Variants in ROBO2 observed in about 807,000 individuals in gnomAD.
The protein encoded by ROBO2 is roundabout guidance receptor 2.
In ROBO2, 53 loss-of-function variants were observed where a neutral mutation model predicts 160.8. The ratio of observed to expected loss-of-function variants is 0.33; its 90% CI spans 0.26 to 0.41. ROBO2 has a LOEUF of 0.41. Ranked by LOEUF, ROBO2 falls within the 10% of genes least tolerant of loss-of-function variation. The pLI, the probability that ROBO2 is intolerant of heterozygous loss-of-function variation, is 1.00. For synonymous variants in ROBO2, 664 were observed against 611.7 expected (o/e 1.09, Z -1.26); for missense variants, 1,577 against 1,722.4 (o/e 0.92, Z 1.49).
At chr3:76,169,210 A>C (rs2072945776) in intron 2 of ROBO2, among the ~76,000 whole-genome samples, 1 of 152,164 alleles carries the variant, frequency 6.6e-6, no homozygotes, top group Non-Finnish European at 1.5e-5. Flanking sequence ...TTGATGAGAA[A>C]ACTGTGGCTC....
intron 5 of ROBO2, among the ~76,000 whole-genome samples, chr3:77,494,925 C>T (rs1176852074): frequency 6.6e-6 from 1 of 152,144 alleles, no homozygotes; most frequent in Non-Finnish European, 1.5e-5. Flanking sequence ...TGGGGAAAGT[C>T]ATCATTGTGT....
At chr3:76,672,426 T>C (rs1449660353) in intron 2 of ROBO2, among the ~76,000 whole-genome samples, 1 of 152,128 alleles carries the variant, frequency 6.6e-6, no homozygotes, top group Non-Finnish European at 1.5e-5. Context: ...CAAAGTCCTA[T>C]TTACTTTGGA....
intron 2 of ROBO2, among the ~76,000 whole-genome samples, chr3:76,417,716 A>G (rs942614329): frequency 4.6e-5 from 7 of 152,168 alleles, no homozygotes; most frequent in Admixed American, 1.3e-4. Context: ...ATCAAAATTC[A>G]TATTGAACCA....
intron 2 of ROBO2, among the ~76,000 whole-genome samples, chr3:77,147,761 C>T (rs2077229480): frequency 6.6e-6 from 1 of 152,154 alleles, no homozygotes; most frequent in African/African-American, 2.4e-5. Context: ...AAAAGTTACA[C>T]AGGCAGATAG....
chr3:77,438,976 T>C (rs2079619150), intron 2 of ROBO2, among the ~76,000 whole-genome samples: 1 of 152,062 alleles, frequency 6.6e-6, no homozygotes, highest in Non-Finnish European at 1.5e-5. Flanking sequence ...TCAAAGTCAT[T>C]TAAACTAAAA....
In ROBO2 at chr3:76,965,781, T is replaced by TTG. The variant is rs1360013353; in HGVS notation, c.110-132229_110-132228dup. ...GTTGCTATACCATTATTTATTGTGT[T>TTG]TGTGTATATATATATATATATATAT... On this transcript the variant is annotated intron_variant, in intron 2 of 26. Transcript: ENST00000487694. Among the ~76,000 whole-genome samples, 36 of 84,086 alleles carry TTG rather than the reference T, an allele frequency of 4.3e-4. 1 individual carries two copies. The highest frequency in any genetic ancestry group is 1.3e-3 in the African/African-American group (28 of 21,286). The allele number at this position is 84,086 out of a possible 152,430, so 55.2% of individuals were successfully genotyped here. A position where few individuals can be genotyped will look rare whatever the true frequency, so the allele number is the denominator to read the frequency against.
At chr3:76,398,728 CTAT>C (rs1352050197) in intron 2 of ROBO2, among the ~76,000 whole-genome samples, 1 of 151,416 alleles carries the variant, frequency 6.6e-6, no homozygotes, top group East Asian at 1.9e-4. Flanking sequence ...ACTAAATATA[CTAT>C]TAAGTTTAGT....
chr3:77,274,132 A>G (rs73106031), intron 2 of ROBO2, among the ~76,000 whole-genome samples: 9,399 of 152,216 alleles, frequency 0.062, 637 homozygotes, highest in African/African-American at 0.17. Context: ...TGAAGTATAA[A>G]TTTTAAACCA....
intron 2 of ROBO2, among the ~76,000 whole-genome samples, chr3:77,397,729 A>C (rs1293946567): frequency 2.0e-5 from 3 of 152,228 alleles, no homozygotes; most frequent in South Asian, 2.1e-4. Context: ...TTGGTGTATA[A>C]ATTGCATTTA....
chr3:76,974,246 A>C (rs541215891), intron 2 of ROBO2, among the ~76,000 whole-genome samples: 1 of 152,288 alleles, frequency 6.6e-6, no homozygotes, highest in African/African-American at 2.4e-5. Context: ...CTTGATACAT[A>C]TTACATTTGC....
Position 76,694,820 on chromosome 3 carries a change from C to G in ROBO2, c.110-403194C>G, listed in dbSNP as rs564825840. 2.0e-5 allele frequency among the ~76,000 whole-genome samples: 3 copies of G among 152,112 alleles called. No homozygotes were observed. In the East Asian group the frequency reaches 5.8e-4, roughly 29 times the overall value. The stretch of plus-strand genomic sequence containing the variant: ...TCCTTTCATAATTAGTATTATGATA[C>G]CTTAGTTTTATCTTCTTTTATTAAA... On this transcript the variant is annotated intron_variant, in intron 2 of 26. Transcript: ENST00000487694.
chr3:76,455,772 A>T (rs916606629), intron 2 of ROBO2, among the ~76,000 whole-genome samples: 2 of 152,192 alleles, frequency 1.3e-5, no homozygotes, highest in African/African-American at 4.8e-5. Flanking sequence ...GACAGGAATG[A>T]TCTAATTCTA....
intron 2 of ROBO2, among the ~76,000 whole-genome samples, chr3:76,023,471 G>T (rs2066636607): frequency 1.3e-5 from 2 of 151,570 alleles, no homozygotes; most frequent in Non-Finnish European, 3.0e-5. Flanking sequence ...TTTTAATATT[G>T]TTGTGTCTCA....
chr3:76,624,216 G>A (rs1327311885), intron 2 of ROBO2, among the ~76,000 whole-genome samples: 1 of 152,066 alleles, frequency 6.6e-6, no homozygotes, highest in East Asian at 1.9e-4. Flanking sequence ...AAGAATTTAG[G>A]ATATAAGGAT....
rs2067547451 is a variant in ROBO2, at chr3:76,048,895, G to C, written c.109+111293G>C. ...TAAATGTTAACAAGATTAATCTCAG[G>C]AACACAATGTTGAATGAAAATAGCA... On this transcript the variant is annotated intron_variant, in intron 2 of 26. Coordinates refer to the ROBO2 transcript ENST00000487694. Among the ~76,000 whole-genome samples the C allele has an allele frequency of 1.3e-5, 2 of 152,104 alleles. 1 individual carries two copies. Among genetic ancestry groups the C allele is most frequent in the South Asian group, 4.2e-4 (2 of 4,818 alleles).
At chr3:76,581,212 A>G (rs1445549905) in intron 2 of ROBO2, among the ~76,000 whole-genome samples, 2 of 152,190 alleles carry the variant, frequency 1.3e-5, no homozygotes, top group East Asian at 1.9e-4. Flanking sequence ...TTTGTATAGT[A>G]TAAGTTTGTA....
intron 2 of ROBO2, among the ~76,000 whole-genome samples, chr3:76,170,733 G>A (rs1300852179): frequency 6.6e-6 from 1 of 152,102 alleles, no homozygotes; most frequent in Non-Finnish European, 1.5e-5. Context: ...AATAATTTAA[G>A]GTGATTGGTT....
intron 2 of ROBO2, among the ~76,000 whole-genome samples, chr3:77,219,658 G>A: frequency 6.6e-6 from 1 of 151,002 alleles, no homozygotes; most frequent in Non-Finnish European, 1.5e-5. Context: ...GCTCCTGTTA[G>A]CATCAGTTTG....
chr3:76,287,336 C>G (rs1198852092), intron 2 of ROBO2, among the ~76,000 whole-genome samples: 3 of 150,924 alleles, frequency 2.0e-5, no homozygotes, highest in African/African-American at 7.3e-5. Flanking sequence ...CGCTCTGTCA[C>G]CAAGGCTGAA....
Sources: gnomAD v4.1 joint callset for allele counts (sites outside exome capture counted in the v4.1 genomes callset) on GRCh38, gnomAD v4.1.1 for gene constraint, MANE v1.5 for transcripts, NCBI Gene and HGNC (gene_info 2026-07-23, HGNC 2026-07-21) for gene names.